LMAN1: variants seen among roughly 807,000 people sequenced by gnomAD.
LMAN1 encodes the protein lectin, mannose binding 1.
In LMAN1, 32 loss-of-function variants were observed where a neutral mutation model predicts 67.8. That is an observed-to-expected ratio of 0.47 (90% CI 0.36 to 0.63). The LOEUF (loss-of-function observed/expected upper bound fraction) is 0.63, where lower values mean the gene tolerates loss of function less well. Ranked by LOEUF, LMAN1 falls within the 30% of genes least tolerant of loss-of-function variation. The probability of loss-of-function intolerance (pLI) is 0.00; values close to 1 mark genes in which losing one functional copy is unlikely to be tolerated. For synonymous variants in LMAN1, 235 were observed against 219.3 expected (o/e 1.07, Z -0.63); for missense variants, 632 against 628.2 (o/e 1.01, Z -0.06).
chr18:59,342,628 T>C (rs1389762805), intron 8 of LMAN1, among the ~76,000 whole-genome samples: 2 of 151,890 alleles, frequency 1.3e-5, no homozygotes, highest in African/African-American at 4.8e-5. Context: ...CCCTTCATGA[T>C]AAAAATCCTC....
chr18:59,346,051 GCTTT>G lies in LMAN1; in HGVS notation c.823-4_823-1del, dbSNP rs759519259. ...TCCGAAATTTCTTTATCTGGTGTGG[GCTTT>G]TTTTTGGAGTTTTGGAATAGATCAT... On this transcript the variant is annotated splice_acceptor_variant and splice_polypyrimidine_tract_variant and intron_variant, in intron 7 of 12. Coordinates refer to ENST00000251047, the MANE Select transcript of LMAN1 (RefSeq NM_005570.4). LOFTEE classifies it high-confidence loss of function. The G allele has an allele frequency of 6.2e-7, 1 of 1,606,052 alleles. No individual in the cohort carries two copies. Among genetic ancestry groups the G allele is most frequent in the African/African-American group, 1.3e-5 (1 of 74,148 alleles).
At position 59,331,354 on chromosome 18, in the gene LMAN1, G is replaced by A. The variant is rs912276595; in HGVS notation, c.1496+64C>T. ...TTGTATTATGAACATAGATAACTTAGTTGAATATTTCTAATTAAACAGATG... is the reference window on the plus strand; with the variant it reads ...TTGTATTATGAACATAGATAACTTAATTGAATATTTCTAATTAAACAGATG... On this transcript the variant is annotated intron_variant, in intron 12 of 12. Transcript: ENST00000251047. 4.1e-6 allele frequency: 6 copies of A among 1,472,696 alleles called. No homozygotes were observed. The African/African-American group carries it at 8.4e-5, about 21-fold the overall frequency. 91.2% of individuals were successfully genotyped at this position (1,472,696 alleles called of 1,614,324 possible). A position where few individuals can be genotyped will look rare whatever the true frequency, so the allele number is the denominator to read the frequency against.
Position 59,349,282 on chromosome 18 carries a change from A to G in LMAN1, c.640-46T>C, listed in dbSNP as rs753279954. On this transcript the variant is annotated intron_variant, in intron 5 of 12. Coordinates refer to ENST00000251047, the MANE Select transcript of LMAN1 (RefSeq NM_005570.4). ...TATAGCTTTTGCAAAAGACATTAGA[A>G]AATAAATTTCAATCGATCCATTTTA... 9 of 1,554,510 alleles carry G rather than the reference A, an allele frequency of 5.8e-6. No homozygotes were observed. In the South Asian group the frequency reaches 8.9e-5, roughly 15 times the overall value.
chr18:59,359,258 A>G lies in LMAN1; in HGVS notation c.-14T>C. ...GGATCCCGCCATCTTGGATTCTGGA[A>G]CGCGGAGGAGGGCGGGAGAGGGAGG... is the stretch of plus-strand genomic sequence containing the variant. On this transcript the variant is annotated 5_prime_UTR_variant, in exon 1 of 13. Transcript: ENST00000251047. 1 of 1,612,988 alleles carries G rather than the reference A, an allele frequency of 6.2e-7. No individual in the cohort carries two copies. Among genetic ancestry groups the G allele is most frequent in the Non-Finnish European group, 8.5e-7 (1 of 1,179,218 alleles).
At chr18:59,356,039 A>C (rs961892941) in intron 1 of LMAN1, among the ~76,000 whole-genome samples, 1 of 152,210 alleles carries the variant, frequency 6.6e-6, no homozygotes, top group African/African-American at 2.4e-5. Flanking sequence ...TGAAAAGAAC[A>C]TACCACTAGG....
chr18:59,338,701 C>T, intron 9 of LMAN1, 59 bp downstream of exon 9: 2 of 1,607,874 alleles, frequency 1.2e-6, no homozygotes, highest in Non-Finnish European at 1.7e-6. Flanking sequence ...TGCCCTTCTT[C>T]TTTACTTCCC....
Position 59,349,169 on chromosome 18 carries a change from A to T in LMAN1, c.707T>A (p.Met236Lys). 3 of 1,613,884 alleles carry T rather than the reference A, an allele frequency of 1.9e-6. No homozygotes were observed. Among genetic ancestry groups the T allele is most frequent in the Non-Finnish European group, 2.5e-6 (3 of 1,179,772 alleles). ...DYEFCAKVENMIIPAQGHFGI... is the reference protein window; with the variant it reads ...DYEFCAKVENKIIPAQGHFGI... The stretch of plus-strand genomic sequence containing the variant: ...AAAATGCCCTTGTGCAGGGATAATC[A>T]TATTTTCCACTTTGGCACAAAATTC... Residue 236 changes from methionine to lysine, a missense_variant, in exon 6 of 13, where the codon ATG (methionine) becomes AAG (lysine). Met to Lys is a moderately conservative substitution (Grantham distance 95). Transcript: ENST00000251047.
chr18:59,347,457 T>C, intron 7 of LMAN1, 56 bp downstream of exon 7: 1 of 1,300,324 alleles, frequency 7.7e-7, no homozygotes, highest in South Asian at 1.3e-5. Flanking sequence ...TTCCAAAACG[T>C]TCAGCTAAAA....
At position 59,345,988 on chromosome 18, in the gene LMAN1, A is replaced by T. The variant is rs1908393987; in HGVS notation, c.886T>A (p.Phe296Ile). The T allele has an allele frequency of 6.2e-7, 1 of 1,613,750 alleles. No homozygotes were observed. The highest frequency in any genetic ancestry group is 8.5e-7 in the Non-Finnish European group (1 of 1,179,928). ...TTTTTTTTATCCAATTCTTGTTGAAAGTGCTCAAATTCCTCCTGATACTTT... is the reference window on the plus strand; with the variant it reads ...TTTTTTTTATCCAATTCTTGTTGAATGTGCTCAAATTCCTCCTGATACTTT... ...KEKYQEEFEHFQQELDKKKEE... is the reference protein window; with the variant it reads ...KEKYQEEFEHIQQELDKKKEE... The change falls in exon 8 of 13, where the codon TTT becomes ATT. Residue 296 changes from phenylalanine to isoleucine, a missense_variant. Transcript: ENST00000251047.
intron 3 of LMAN1, among the ~76,000 whole-genome samples, chr18:59,354,887 T>C (rs1392774044): frequency 1.3e-5 from 2 of 152,142 alleles, no homozygotes; most frequent in African/African-American, 2.4e-5. Flanking sequence ...ATCAGAAAAA[T>C]TGGCCCGATC....
chr18:59,355,690 A>C, intron 1 of LMAN1, 32 bp from the exon 2 acceptor site: 1 of 1,606,480 alleles, frequency 6.2e-7, no homozygotes, highest in Non-Finnish European at 8.5e-7. Flanking sequence ...AAAAGCTTTA[A>C]GTTATAATTA....
At chr18:59,350,815 G>A (rs980463094) in intron 5 of LMAN1, among the ~76,000 whole-genome samples, 2 of 152,002 alleles carry the variant, frequency 1.3e-5, no homozygotes, top group East Asian at 1.9e-4. Flanking sequence ...TTTAAAGGAC[G>A]TAACACATTT....
intron 1 of LMAN1, among the ~76,000 whole-genome samples, chr18:59,358,378 T>C (rs903488891): frequency 2.0e-5 from 3 of 152,210 alleles, no homozygotes; most frequent in Admixed American, 6.5e-5. Flanking sequence ...AATGTGTTAC[T>C]ACGAGAGAAA....
At chr18:59,358,945 G>A in intron 1 of LMAN1, 86 bp downstream of exon 1, 2 of 1,377,470 alleles carry the variant, frequency 1.5e-6, no homozygotes, top group Admixed American at 1.7e-5. Context: ...GGGAACCTCA[G>A]CACACCAGGG....
At chr18:59,341,411 C>G (rs1217416828) in intron 8 of LMAN1, among the ~76,000 whole-genome samples, 1 of 152,074 alleles carries the variant, frequency 6.6e-6, no homozygotes, top group East Asian at 1.9e-4. Flanking sequence ...TTCTTTTCAC[C>G]AGCACATAGA....
intron 1 of LMAN1, among the ~76,000 whole-genome samples, chr18:59,356,112 T>C (rs1908656015): frequency 6.6e-6 from 1 of 152,222 alleles, no homozygotes; most frequent in Admixed American, 6.5e-5. Context: ...AATTCTCTTA[T>C]TCTCTTGGAT....
At chr18:59,340,497 G>T (rs1333384623) in intron 8 of LMAN1, among the ~76,000 whole-genome samples, 1 of 142,552 alleles carries the variant, frequency 7.0e-6, no homozygotes, top group East Asian at 2.0e-4. Flanking sequence ...GCTAATAAAA[G>T]AAAAAAAAAA....
intron 8 of LMAN1, among the ~76,000 whole-genome samples, chr18:59,344,098 C>T (rs778098029): frequency 1.1e-4 from 17 of 152,276 alleles, no homozygotes; most frequent in Admixed American, 5.2e-4. Context: ...GAGATACTAT[C>T]TTACACAAGT....
Position 59,330,650 on chromosome 18 carries a change from G to A in LMAN1, c.*443C>T, listed in dbSNP as rs2070742011. ...ACTGCAGGCCCAGGCCTTTGATTAG[G>A]AAGTCTGACCTCTAAAAAAGACTTT... On this transcript the variant is annotated 3_prime_UTR_variant, in exon 13 of 13. Coordinates refer to ENST00000251047, the MANE Select transcript of LMAN1 (RefSeq NM_005570.4). 6.4e-6 allele frequency: 1 copy of A among 156,720 alleles called. No individual in the cohort carries two copies. The highest frequency in any genetic ancestry group is 1.4e-5 in the Non-Finnish European group (1 of 70,784). 9.7% of individuals were successfully genotyped at this position (156,720 alleles called of 1,614,324 possible).
Sources: allele counts gnomAD v4.1 joint callset (sites outside exome capture counted in the v4.1 genomes callset), GRCh38; gene constraint gnomAD v4.1.1; transcripts MANE v1.5; gene names NCBI Gene and HGNC (gene_info 2026-07-23, HGNC 2026-07-21).